Variants in PCDH7 observed in about 807,000 individuals in gnomAD.
The protein encoded by PCDH7 is protocadherin-7.
A neutral mutation model predicts 58.9 loss-of-function variants in PCDH7; 17 were observed. The ratio of observed to expected loss-of-function variants is 0.29; its 90% CI spans 0.20 to 0.43. PCDH7 has a LOEUF of 0.43. PCDH7 is among the 20% of genes least tolerant of loss of function. PCDH7 has a pLI of 1.00. For missense variants in PCDH7, 1,274 were observed against 1,441.0 expected, an observed-to-expected ratio of 0.88 and a Z score of 1.88; for synonymous variants, 664 against 616.4, an observed-to-expected ratio of 1.08 and a Z score of -1.14.
rs553490326 is a variant in PCDH7 at position 30,778,999 on chromosome 4, C to G, written c.70+54403C>G. 4.0e-3 allele frequency among the ~76,000 whole-genome samples: 561 copies of G among 138,856 alleles called. 4 individuals are homozygous for G. The highest frequency in any genetic ancestry group is 7.3e-3 in the Non-Finnish European group (479 of 65,524). 91.1% of individuals were successfully genotyped at this position (138,856 alleles called of 152,430 possible). A position where few individuals can be genotyped will look rare whatever the true frequency, so the allele number is the denominator to read the frequency against. On this transcript the variant is annotated intron_variant, in intron 1 of 3. Coordinates refer to the PCDH7 transcript ENST00000509759. ...AGAATGATTCCAAATGGCCTCCTTA[C>G]TCCGTTTTTTTTTTTTTTTTTTTTT...
At chr4:30,730,604 T>A in intron 1 of PCDH7, 2 of 533,986 alleles carry the variant, frequency 3.7e-6, no homozygotes, top group Non-Finnish European at 6.6e-6. Context: ...CCCAAGTGTA[T>A]TTATTATTTA....
intron 3 of PCDH7, among the ~76,000 whole-genome samples, chr4:31,120,441 C>CTTTTTTTTTTTTTTTTTTT (rs138878762): frequency 1.9e-5 from 2 of 107,998 alleles, no homozygotes; most frequent in Non-Finnish European, 1.9e-5. Context: ...CTATTTTTTT[C>CTTTTTTTTTTTTTTTTTTT]TTTTTTTTTT....
chr4:30,774,701 C>T (rs534300262), intron 1 of PCDH7, among the ~76,000 whole-genome samples: 1 of 152,236 alleles, frequency 6.6e-6, no homozygotes, highest in East Asian at 1.9e-4. Flanking sequence ...GTTCTACGTA[C>T]AATATACAGT....
chr4:30,954,152 T>C (rs1211627428), intron 3 of PCDH7, among the ~76,000 whole-genome samples: 1 of 152,164 alleles, frequency 6.6e-6, no homozygotes, highest in Non-Finnish European at 1.5e-5. Context: ...TGGCACACTC[T>C]GCAAGGCCCT....
chr4:30,864,578 G>A (rs1417890931), intron 1 of PCDH7, among the ~76,000 whole-genome samples: 2 of 151,884 alleles, frequency 1.3e-5, no homozygotes, highest in Non-Finnish European at 2.9e-5. Context: ...ACATTTACAT[G>A]GATGACAGAC....
At chr4:30,911,729 C>G (rs1014060301) in intron 1 of PCDH7, among the ~76,000 whole-genome samples, 2 of 152,002 alleles carry the variant, frequency 1.3e-5, no homozygotes, top group African/African-American at 2.4e-5. Context: ...CACTTTTAGG[C>G]TAGAGTAGTT....
At chr4:31,141,493 A>C (rs1482223936) in intron 3 of PCDH7, among the ~76,000 whole-genome samples, 1 of 152,232 alleles carries the variant, frequency 6.6e-6, no homozygotes, top group Non-Finnish European at 1.5e-5. Flanking sequence ...TTTCTCAAAC[A>C]AAGTCTGTAA....
chr4:30,935,864 A>G (rs1020155028), intron 2 of PCDH7, among the ~76,000 whole-genome samples: 1 of 152,116 alleles, frequency 6.6e-6, no homozygotes, highest in African/African-American at 2.4e-5. Context: ...GCTATTTGAG[A>G]TAATTTTCTG....
intron 1 of PCDH7, among the ~76,000 whole-genome samples, chr4:30,828,281 A>G (rs1729347874): frequency 6.6e-6 from 1 of 152,122 alleles, no homozygotes; most frequent in African/African-American, 2.4e-5. Context: ...AGGAAACGTC[A>G]TGTGCATAAG....
At chr4:30,758,107 A>G (rs1280355599) in intron 1 of PCDH7, among the ~76,000 whole-genome samples, 1 of 152,204 alleles carries the variant, frequency 6.6e-6, no homozygotes, top group Non-Finnish European at 1.5e-5. Flanking sequence ...AGTTCTGAGG[A>G]CCGTGAGGGC....
chr4:31,071,312 T>G (rs1758525707), intron 3 of PCDH7, among the ~76,000 whole-genome samples: 1 of 152,106 alleles, frequency 6.6e-6, no homozygotes. Flanking sequence ...TCTATCATGT[T>G]TACTGTGTAC....
Position 30,829,459 on chromosome 4 carries a change from C to A in PCDH7, c.71-90694C>A, listed in dbSNP as rs540300104. On this transcript the variant is annotated intron_variant, in intron 1 of 3. Coordinates refer to the PCDH7 transcript ENST00000509759. ...TGAGGGGCAGTTTTAGAAATTTTACCCCCCAAGGCTGGAGGGAAAATCTCT... is the reference window on the plus strand; with the variant it reads ...TGAGGGGCAGTTTTAGAAATTTTACACCCCAAGGCTGGAGGGAAAATCTCT... Among the ~76,000 whole-genome samples, 15 of 151,832 alleles carry A rather than the reference C, an allele frequency of 9.9e-5. No homozygotes were observed. The South Asian group carries it at 2.9e-3, about 29-fold the overall frequency.
intron 3 of PCDH7, among the ~76,000 whole-genome samples, chr4:31,101,526 A>C (rs1195309387): frequency 1.3e-5 from 2 of 152,160 alleles, no homozygotes; most frequent in Non-Finnish European, 2.9e-5. Flanking sequence ...GCAATGAACA[A>C]TTGCCATATC....
chr4:31,137,750 C>T (rs371470178), intron 3 of PCDH7, among the ~76,000 whole-genome samples: 5 of 152,156 alleles, frequency 3.3e-5, no homozygotes, highest in East Asian at 3.9e-4. Context: ...CTTAACAATC[C>T]GTTTATCTCA....
At chr4:30,877,817 C>G (rs2109367598) in intron 1 of PCDH7, among the ~76,000 whole-genome samples, 1 of 152,126 alleles carries the variant, frequency 6.6e-6, no homozygotes. Context: ...TGGAAATATG[C>G]CAGTGCCAAT....
At chr4:31,084,702 A>C (rs1245644839) in intron 3 of PCDH7, among the ~76,000 whole-genome samples, 1 of 106,548 alleles carries the variant, frequency 9.4e-6, no homozygotes, top group Non-Finnish European at 1.9e-5. Flanking sequence ...AGGGAAGGGG[A>C]AAAGGGAGGA....
At chr4:30,752,251 G>T (rs895995633) in intron 1 of PCDH7, among the ~76,000 whole-genome samples, 2 of 152,078 alleles carry the variant, frequency 1.3e-5, no homozygotes, top group Non-Finnish European at 2.9e-5. Context: ...TCCTGCCTCA[G>T]CCTCCGGAGT....
At chr4:30,732,071 T>C (rs1227439530) in exon 2 of PCDH7, 1 of 152,106 alleles carries the variant, frequency 6.6e-6, no homozygotes, top group Non-Finnish European at 1.5e-5. Flanking sequence ...TTGGAAGTGA[T>C]AGGAAATGCA....
At position 30,723,664 on chromosome 4, in the gene PCDH7, A is replaced by G. The variant is rs1437653246; in HGVS notation, c.2242A>G (p.Ile748Val). 1.2e-6 allele frequency: 2 copies of G among 1,614,046 alleles called. No individual in the cohort carries two copies. Among genetic ancestry groups the G allele is most frequent in the East Asian group, 2.2e-5 (1 of 44,874 alleles). Residue 748 changes from isoleucine (I) to valine (V), a missense_variant, in exon 1 of 2, where the codon ATT (isoleucine) becomes GTT (valine). Physicochemically the swap from Ile to Val is conservative, Grantham distance 29. This residue lies in a region of PCDH7 where 731 missense variants were observed against 881.9 expected (regional missense o/e 0.83). Transcript: ENST00000361762. The surrounding 1 kb of genome is among the most constrained non-coding windows in gnomAD (Gnocchi z 4.6). ...TCCCACAGTTACCCTTCCCAAAAACATTTCCTACACTTTACTGCCACCTTC... is the reference window on the plus strand; with the variant it reads ...TCCCACAGTTACCCTTCCCAAAAACGTTTCCTACACTTTACTGCCACCTTC...
Sources: gnomAD v4.1 joint callset for allele counts (sites outside exome capture counted in the v4.1 genomes callset) on GRCh38, gnomAD v4.1.1 for gene constraint, gnomAD v4.1.1 regional missense constraint, Gnocchi (gnomAD v3.1) non-coding constraint, MANE v1.5 for transcripts, NCBI Gene and HGNC (gene_info 2026-07-23, HGNC 2026-07-21) for gene names.